Variants in OR9Q1 observed in about 807,000 individuals in gnomAD.
OR9Q1 encodes olfactory receptor 9Q1.
For missense variants in OR9Q1, 374 were observed against 378.8 expected (o/e 0.99, Z 0.11); for synonymous variants, 153 against 148.6 (o/e 1.03, Z -0.22).
At chr11:58,053,874 TC>T (rs922293024) in intron 1 of OR9Q1, among the ~76,000 whole-genome samples, 1 of 151,762 alleles carries the variant, frequency 6.6e-6, no homozygotes, top group Non-Finnish European at 1.5e-5. Flanking sequence ...CCATCCCCCA[TC>T]CCAACCACCA....
intron 2 of OR9Q1, among the ~76,000 whole-genome samples, chr11:58,175,244 A>G (rs188920630): frequency 6.6e-6 from 1 of 152,162 alleles, no homozygotes; most frequent in Admixed American, 6.5e-5. Flanking sequence ...CAAACAAAAG[A>G]TTTTCTCAGT....
At chr11:58,174,116 G>C (rs1382858427) in intron 2 of OR9Q1, among the ~76,000 whole-genome samples, 1 of 152,140 alleles carries the variant, frequency 6.6e-6, no homozygotes, top group Non-Finnish European at 1.5e-5. Flanking sequence ...ACTGTGAGTA[G>C]GATAAACTCC....
At chr11:58,154,484 A>G (rs995176183) in intron 2 of OR9Q1, among the ~76,000 whole-genome samples, 3 of 150,518 alleles carry the variant, frequency 2.0e-5, no homozygotes, top group African/African-American at 7.3e-5. Context: ...CTTTATAACT[A>G]TTATTGGAGA....
chr11:58,031,464 C>G, intron 1 of OR9Q1: 1 of 1,614,170 alleles, frequency 6.2e-7, no homozygotes, highest in Non-Finnish European at 8.5e-7. Context: ...TCTCAGCTAA[C>G]ATTTTATGGC....
intron 2 of OR9Q1, among the ~76,000 whole-genome samples, chr11:58,102,555 C>T (rs1410134905): frequency 7.2e-6 from 1 of 139,724 alleles, no homozygotes; most frequent in Non-Finnish European, 1.6e-5. Context: ...TCTTGGGTGG[C>T]AGGTTTTTTT....
chr11:58,133,447 T>C (rs1395013955), intron 2 of OR9Q1, among the ~76,000 whole-genome samples: 1 of 152,184 alleles, frequency 6.6e-6, no homozygotes, highest in African/African-American at 2.4e-5. Flanking sequence ...CCTCTGGCGC[T>C]CAGGGTGGGG....
At chr11:58,024,522 C>G (rs555182390) in intron 1 of OR9Q1, among the ~76,000 whole-genome samples, 1 of 152,176 alleles carries the variant, frequency 6.6e-6, no homozygotes, top group Non-Finnish European at 1.5e-5. Flanking sequence ...CTACAGGAAC[C>G]AAGTTTCAAT....
chr11:58,170,790 C>T (rs1590625701), intron 2 of OR9Q1, among the ~76,000 whole-genome samples: 1 of 152,140 alleles, frequency 6.6e-6, no homozygotes, highest in East Asian at 1.9e-4. Flanking sequence ...AATTGTGAGG[C>T]CTCCCCAGCC....
chr11:58,153,055 G>A (rs528211696), intron 2 of OR9Q1, among the ~76,000 whole-genome samples: 5 of 152,308 alleles, frequency 3.3e-5, no homozygotes, highest in Admixed American at 3.3e-4. Flanking sequence ...ATTAGTACAT[G>A]ATAACATTCT....
At chr11:58,033,621 G>T (rs1001669072) in intron 1 of OR9Q1, among the ~76,000 whole-genome samples, 2 of 152,092 alleles carry the variant, frequency 1.3e-5, no homozygotes, top group Non-Finnish European at 2.9e-5. Flanking sequence ...AGAGAGGGGA[G>T]GGGGCAATGG....
chr11:58,140,278 C>T (rs1590611483), intron 2 of OR9Q1, among the ~76,000 whole-genome samples: 1 of 152,078 alleles, frequency 6.6e-6, no homozygotes, highest in Non-Finnish European at 1.5e-5. Flanking sequence ...TGTGCAGAAG[C>T]TCTTTAGTTT....
intron 2 of OR9Q1, among the ~76,000 whole-genome samples, chr11:58,062,300 G>A (rs1853387352): frequency 6.6e-6 from 1 of 152,198 alleles, no homozygotes; most frequent in Non-Finnish European, 1.5e-5. Flanking sequence ...TAGCTCGGCT[G>A]AGACATCCTC....
At chr11:58,175,922 G>T (rs1379914826) in intron 2 of OR9Q1, among the ~76,000 whole-genome samples, 1 of 151,926 alleles carries the variant, frequency 6.6e-6, no homozygotes, top group Non-Finnish European at 1.5e-5. Flanking sequence ...GCTGGCAAAA[G>T]CTATGCCAAT....
At chr11:58,165,540 G>C (rs1242637009) in intron 2 of OR9Q1, among the ~76,000 whole-genome samples, 2 of 152,060 alleles carry the variant, frequency 1.3e-5, no homozygotes, top group Non-Finnish European at 2.9e-5. Context: ...GCTGTTTTTT[G>C]GAAGCGCACA....
At chr11:58,060,636 G>A (rs575598320) in intron 2 of OR9Q1, among the ~76,000 whole-genome samples, 5 of 152,300 alleles carry the variant, frequency 3.3e-5, no homozygotes, top group East Asian at 1.9e-4. Context: ...TCAGGAGTTC[G>A]AGACTAGCCT....
chr11:58,116,242 C>A (rs1272773178), intron 2 of OR9Q1, among the ~76,000 whole-genome samples: 1 of 152,110 alleles, frequency 6.6e-6, no homozygotes, highest in Admixed American at 6.6e-5. Flanking sequence ...CACATTCATT[C>A]CCCAGGCCAG....
chr11:58,127,209 A>G (rs1854098548), intron 2 of OR9Q1, among the ~76,000 whole-genome samples: 1 of 152,124 alleles, frequency 6.6e-6, no homozygotes, highest in African/African-American at 2.4e-5. Context: ...CTCGGCCTCC[A>G]GAAGTGCTGG....
At chr11:58,152,139 T>A (rs1854359365) in intron 2 of OR9Q1, among the ~76,000 whole-genome samples, 1 of 152,076 alleles carries the variant, frequency 6.6e-6, no homozygotes, top group African/African-American at 2.4e-5. Context: ...AGAGGATTGG[T>A]ATGAGGACCC....
At chr11:58,031,850 G>T in intron 1 of OR9Q1, 3 of 1,614,132 alleles carry the variant, frequency 1.9e-6, no homozygotes, top group Non-Finnish European at 2.5e-6. Context: ...TAGGAACAAG[G>T]AAGTGAAGGG....
Sources: gnomAD v4.1 joint callset for allele counts (sites outside exome capture counted in the v4.1 genomes callset) on GRCh38, gnomAD v4.1.1 for gene constraint, MANE v1.5 for transcripts, NCBI Gene and HGNC (gene_info 2026-07-23, HGNC 2026-07-21) for gene names.